GCSAML: variants seen among roughly 807,000 people sequenced by gnomAD.
GCSAML encodes germinal center-associated signaling and motility-like protein.
A neutral mutation model predicts 13.0 loss-of-function variants in GCSAML; 9 were observed. The observed-to-expected ratio is 0.69, with a 90% CI of 0.42 to 1.21. The LOEUF is 1.21. Among genes scored for constraint, GCSAML ranks in the 50% most tolerant of loss-of-function variants. The pLI, the probability that GCSAML is intolerant of heterozygous loss-of-function variation, is 0.00. For synonymous variants in GCSAML, 37 were observed against 52.9 expected (o/e 0.70, Z 1.31); for missense variants, 143 against 153.4 (o/e 0.93, Z 0.36).
In GCSAML at chr1:247,576,760, C is replaced by T. The variant is rs1229118104; in HGVS notation, c.*2378C>T. 2 of 152,032 alleles carry T rather than the reference C, an allele frequency of 1.3e-5. No individual in the cohort carries two copies. Among genetic ancestry groups the T allele is most frequent in the Non-Finnish European group, 2.9e-5 (2 of 67,998 alleles). The allele number at this position is 152,032 out of a possible 1,614,324, so 9.4% of individuals were successfully genotyped here. A position where few individuals can be genotyped will look rare whatever the true frequency, so the allele number is the denominator to read the frequency against. ...CGGAAGGGAAACAATAGAAATTTTG[C>T]AATTCTAGAAAAGTCATTCTGTCAA... On this transcript the variant is annotated 3_prime_UTR_variant, in exon 5 of 5. Transcript: ENST00000366488.
chr1:247,538,181 A>AG (rs1278219464), intron 2 of GCSAML, among the ~76,000 whole-genome samples: 2 of 152,184 alleles, frequency 1.3e-5, no homozygotes, highest in Non-Finnish European at 2.9e-5. Context: ...GCTGTAAGGT[A>AG]GGGTCCAACT....
chr1:247,531,846 A>G (rs1308150803), intron 2 of GCSAML: 15 of 1,614,182 alleles, frequency 9.3e-6, no homozygotes, highest in Non-Finnish European at 1.2e-5. Flanking sequence ...CGGCCCGGGC[A>G]ATGTGGCCGT....
intron 2 of GCSAML, among the ~76,000 whole-genome samples, chr1:247,538,485 A>C (rs905897719): frequency 1.3e-5 from 2 of 152,196 alleles, no homozygotes; most frequent in Non-Finnish European, 2.9e-5. Context: ...ACCCATTCAT[A>C]TGTTGAAACC....
At chr1:247,516,341 G>A (rs1196178681) in intron 1 of GCSAML, among the ~76,000 whole-genome samples, 1 of 152,188 alleles carries the variant, frequency 6.6e-6, no homozygotes, top group African/African-American at 2.4e-5. Flanking sequence ...CTGCGACAGA[G>A]CAATTAGCGA....
At chr1:247,544,888 A>C (rs1232618858), upstream of GCSAML, among the ~76,000 whole-genome samples, 1 of 152,022 alleles carries the variant, frequency 6.6e-6, no homozygotes, top group East Asian at 1.9e-4. Flanking sequence ...ACAAAAAAGA[A>C]CTTTTTTTAG....
intron 4 of GCSAML, among the ~76,000 whole-genome samples, chr1:247,567,551 G>A (rs913036827): frequency 2.0e-5 from 3 of 152,048 alleles, no homozygotes; most frequent in African/African-American, 7.2e-5. Context: ...TGTATTTGTG[G>A]CACATTTTCT....
chr1:247,522,108 C>T lies in GCSAML; in HGVS notation c.-262-4832C>T, dbSNP rs540173505. Among the ~76,000 whole-genome samples the T allele has an allele frequency of 1.9e-4, 29 of 151,668 alleles. No homozygotes were observed. In the East Asian group the frequency reaches 2.4e-3, roughly 12 times the overall value. On this transcript the variant is annotated intron_variant, in intron 1 of 5. Coordinates refer to the GCSAML transcript ENST00000366489. Reference sequence around the variant, plus strand: ...GTGAGGAGCCCCTCCGCCTGGCAGCCGCCCCGTCTGAGAAGTGAGGAGCCC... The same window carrying T: ...GTGAGGAGCCCCTCCGCCTGGCAGCTGCCCCGTCTGAGAAGTGAGGAGCCC...
At chr1:247,525,441 C>A (rs1471314563) in intron 1 of GCSAML, 4 of 152,244 alleles carry the variant, frequency 2.6e-5, no homozygotes, top group African/African-American at 7.2e-5. Context: ...GTTACCACAG[C>A]CCCCTTCTTG....
At chr1:247,568,757 T>A (rs2103070766) in intron 4 of GCSAML, among the ~76,000 whole-genome samples, 1 of 152,326 alleles carries the variant, frequency 6.6e-6, no homozygotes, top group African/African-American at 2.4e-5. Flanking sequence ...AATCTATAAA[T>A]TACTTTGGGC....
chr1:247,539,371 C>T (rs1192339389), intron 2 of GCSAML, among the ~76,000 whole-genome samples: 15 of 152,258 alleles, frequency 9.9e-5, no homozygotes, highest in Non-Finnish European at 1.8e-4. Context: ...TGGATATTCA[C>T]GCAGGTCCAG....
At chr1:247,510,959 A>G (rs1484069063) in intron 1 of GCSAML, among the ~76,000 whole-genome samples, 1 of 152,212 alleles carries the variant, frequency 6.6e-6, no homozygotes. Context: ...GGTCCTGAGA[A>G]AAATGTATAT....
chr1:247,550,502 T>G (rs1667734009), intron 1 of GCSAML, among the ~76,000 whole-genome samples: 1 of 152,036 alleles, frequency 6.6e-6, no homozygotes, highest in Admixed American at 6.6e-5. Context: ...CCGGGCGTGG[T>G]GGTGGGCACC....
intron 1 of GCSAML, among the ~76,000 whole-genome samples, chr1:247,520,439 A>G (rs1666372587): frequency 1.3e-5 from 2 of 152,300 alleles, no homozygotes; most frequent in African/African-American, 4.8e-5. Context: ...AACTTTTCTC[A>G]GAGTCTCCAG....
intron 1 of GCSAML, among the ~76,000 whole-genome samples, chr1:247,550,443 C>G (rs966961190): frequency 3.9e-5 from 6 of 152,250 alleles, no homozygotes; most frequent in African/African-American, 1.2e-4. Flanking sequence ...CGAGACCATT[C>G]TGGCTAACAC....
At chr1:247,518,202 A>G (rs533856287) in intron 1 of GCSAML, among the ~76,000 whole-genome samples, 1 of 152,282 alleles carries the variant, frequency 6.6e-6, no homozygotes, top group East Asian at 1.9e-4. Flanking sequence ...GGGAGCTGCC[A>G]TTCCGCCCTG....
In GCSAML at chr1:247,543,108, C is replaced by T. The variant is rs190065297; in HGVS notation, c.-147-5937C>T. On this transcript the variant is annotated intron_variant, in intron 2 of 5. Transcript: ENST00000366489. Reference sequence around the variant, plus strand: ...CTCAGTCTCAGGGCTAGAATCAGTGCCCTTGAAAACAAGGCTAAAGAAATG... The same window carrying T: ...CTCAGTCTCAGGGCTAGAATCAGTGTCCTTGAAAACAAGGCTAAAGAAATG... 8.5e-5 allele frequency among the ~76,000 whole-genome samples: 13 copies of T among 152,272 alleles called. 1 individual carries two copies. The East Asian group carries it at 2.5e-3, about 29-fold the overall frequency.
At chr1:247,560,320 C>T (rs1668081099) in intron 2 of GCSAML, among the ~76,000 whole-genome samples, 2 of 152,168 alleles carry the variant, frequency 1.3e-5, no homozygotes, top group South Asian at 2.1e-4. Flanking sequence ...CTAAAGACCT[C>T]GTAGGTTTTA....
At chr1:247,534,394 A>G (rs1401663770) in intron 2 of GCSAML, among the ~76,000 whole-genome samples, 3 of 152,196 alleles carry the variant, frequency 2.0e-5, no homozygotes, top group Admixed American at 1.3e-4. Context: ...ATATGAAGGC[A>G]GAGTGGAAGG....
Position 247,560,544 on chromosome 1 carries a change from C to T in GCSAML, c.90-3046C>T, listed in dbSNP as rs576461776. The stretch of plus-strand genomic sequence containing the variant: ...AAACTCATTATTTGTTCCCTACCCC[C>T]ACCCCCAAACATGTATTATTTTCTT... On this transcript the variant is annotated intron_variant, in intron 2 of 4. Coordinates refer to ENST00000366488, the MANE Select transcript of GCSAML (RefSeq NM_145278.5). Among the ~76,000 whole-genome samples the T allele has an allele frequency of 2.6e-5, 4 of 152,250 alleles. No individual in the cohort carries two copies. The East Asian group carries it at 7.7e-4, about 29-fold the overall frequency.
Sources: gnomAD v4.1 joint callset for allele counts (sites outside exome capture counted in the v4.1 genomes callset) on GRCh38, gnomAD v4.1.1 for gene constraint, MANE v1.5 for transcripts, NCBI Gene and HGNC (gene_info 2026-07-23, HGNC 2026-07-21) for gene names.